Variants in GABRG3 observed in about 807,000 individuals in gnomAD.
GABRG3 encodes gamma-aminobutyric acid type A receptor subunit gamma3, also known as gamma-aminobutyric acid receptor subunit gamma-3.
In GABRG3, 25 loss-of-function variants were observed where a neutral mutation model predicts 48.8. The observed-to-expected ratio is 0.51, with a 90% CI of 0.37 to 0.72. The LOEUF is 0.72. Ranked by LOEUF, GABRG3 falls within the 30% of genes least tolerant of loss-of-function variation. GABRG3 has a pLI of 0.00. For missense variants in GABRG3, 394 were observed against 577.9 expected, an observed-to-expected ratio of 0.68 and a Z score of 3.26; for synonymous variants, 227 against 217.6, an observed-to-expected ratio of 1.04 and a Z score of -0.38.
intron 3 of GABRG3, among the ~76,000 whole-genome samples, chr15:27,261,001 T>G (rs1368757006): frequency 1.3e-5 from 2 of 149,242 alleles, no homozygotes; most frequent in African/African-American, 4.8e-5. Flanking sequence ...TACAGTAGTA[T>G]TCTACCTGTT....
intron 2 of GABRG3, among the ~76,000 whole-genome samples, chr15:27,014,888 G>A (rs905385941): frequency 6.6e-6 from 1 of 152,140 alleles, no homozygotes; most frequent in African/African-American, 2.4e-5. Context: ...CTATTATCGT[G>A]TTGCTGTCTA....
intron 5 of GABRG3, among the ~76,000 whole-genome samples, chr15:27,417,899 T>G (rs1323005972): frequency 1.3e-5 from 2 of 152,216 alleles, no homozygotes; most frequent in Admixed American, 1.3e-4. Context: ...ACCTTTGGAC[T>G]AGTCCCTTAG....
Position 27,532,427 on chromosome 15 carries a change from CA to C in GABRG3, c.1123-153del, listed in dbSNP as rs374534463. 4.8e-3 allele frequency among the ~76,000 whole-genome samples: 361 copies of C among 74,656 alleles called. 1 individual carries two copies. The highest frequency in any genetic ancestry group is 0.034 in the East Asian group (85 of 2,514). 49.0% of individuals were successfully genotyped at this position (74,656 alleles called of 152,430 possible). On this transcript the variant is annotated intron_variant, in intron 9 of 9. Coordinates refer to ENST00000615808, the MANE Select transcript of GABRG3 (RefSeq NM_033223.5). ...TATTAAACTCTCTGCTCCTTAAAACCAAAAAAAAAAAAAAAAAAAAGACCAA... is the reference window on the plus strand; with the variant it reads ...TATTAAACTCTCTGCTCCTTAAAACCAAAAAAAAAAAAAAAAAAAGACCAA...
chr15:27,495,440 A>G (rs566615624), intron 6 of GABRG3, among the ~76,000 whole-genome samples: 196 of 152,306 alleles, frequency 1.3e-3, no homozygotes, highest in Admixed American at 4.8e-3. Flanking sequence ...TGGGTATGCA[A>G]ATATCTCTTT....
Position 27,179,909 on chromosome 15 carries a change from G to A in GABRG3, c.271-146900G>A, listed in dbSNP as rs62002628. Among the ~76,000 whole-genome samples the A allele has an allele frequency of 2.0e-5, 3 of 152,192 alleles. No individual in the cohort carries two copies. Among genetic ancestry groups the A allele is most frequent in the African/African-American group, 4.8e-5 (2 of 41,444 alleles). On this transcript the variant is annotated intron_variant, in intron 3 of 9. Transcript: ENST00000615808. The surrounding 1 kb of genome is among the most constrained non-coding windows in gnomAD (Gnocchi z 4.0). ...AATGTTTGTGCCCTGTTACCAGATT[G>A]TTCTCTTGATTCACAGTTCATCGCC... is the stretch of plus-strand genomic sequence containing the variant.
chr15:27,095,931 C>T (rs1350811932), intron 3 of GABRG3, among the ~76,000 whole-genome samples: 1 of 152,190 alleles, frequency 6.6e-6, no homozygotes. Flanking sequence ...GCCTTCCCTT[C>T]CTGGGCACCC....
At chr15:27,125,936 A>G (rs191532226) in intron 3 of GABRG3, among the ~76,000 whole-genome samples, 16 of 152,372 alleles carry the variant, frequency 1.1e-4, no homozygotes, top group African/African-American at 3.1e-4. Flanking sequence ...GGCAGATAAT[A>G]TGATCTATTA....
In GABRG3 at chr15:27,130,436, G is replaced by T. The variant is rs1332227637; in HGVS notation, c.270+103615G>T. ...CTTTATATAATTACCATACTTTTTT[G>T]ATTACTGTAACTTTGTAGTAAGTTT... is the stretch of plus-strand genomic sequence containing the variant. On this transcript the variant is annotated intron_variant, in intron 3 of 9. Coordinates refer to ENST00000615808, the MANE Select transcript of GABRG3 (RefSeq NM_033223.5). Among the ~76,000 whole-genome samples, 3 of 151,878 alleles carry T rather than the reference G, an allele frequency of 2.0e-5. No homozygotes were observed. The South Asian group carries it at 6.2e-4, about 31-fold the overall frequency.
At chr15:27,436,995 T>TAGAGAGAGAGAGAGAGAGAG (rs10549691) in intron 5 of GABRG3, among the ~76,000 whole-genome samples, 21 of 130,590 alleles carry the variant, frequency 1.6e-4, no homozygotes, top group African/African-American at 5.4e-4. Flanking sequence ...CTCCGAAAAA[T>TAGAGAGAGAGAGAGAGAGAG]AGAGAGAGAG....
intron 3 of GABRG3, among the ~76,000 whole-genome samples, chr15:27,042,502 T>TTGCCTCCCTGTTGCAG (rs1259269835): frequency 6.6e-6 from 1 of 152,186 alleles, no homozygotes; most frequent in African/African-American, 2.4e-5. Flanking sequence ...AGGATGCCCG[T>TTGCCTCCCTGTTGCAG]TGCCTCCCTG....
At chr15:27,217,206 A>C (rs1889288773) in intron 3 of GABRG3, among the ~76,000 whole-genome samples, 1 of 152,188 alleles carries the variant, frequency 6.6e-6, no homozygotes, top group East Asian at 1.9e-4. Flanking sequence ...TTGGGCTATA[A>C]AGACACTTGC....
At chr15:27,359,794 T>G (rs1894962050) in intron 5 of GABRG3, among the ~76,000 whole-genome samples, 1 of 152,224 alleles carries the variant, frequency 6.6e-6, no homozygotes, top group Non-Finnish European at 1.5e-5. Context: ...GTAAGACAGA[T>G]TCAAAGCAGA....
intron 3 of GABRG3, among the ~76,000 whole-genome samples, chr15:27,200,345 C>G (rs936865448): frequency 2.6e-5 from 4 of 152,218 alleles, no homozygotes; most frequent in Admixed American, 6.5e-5. Context: ...ATTAGAAACA[C>G]TACCTTCTCA....
chr15:27,333,113 T>G (rs1893854675), intron 5 of GABRG3, among the ~76,000 whole-genome samples: 1 of 152,194 alleles, frequency 6.6e-6, no homozygotes, highest in Non-Finnish European at 1.5e-5. Context: ...ACATTTTTAG[T>G]GTCCAGAACT....
chr15:27,239,518 G>A (rs1890074460), intron 3 of GABRG3, among the ~76,000 whole-genome samples: 1 of 152,134 alleles, frequency 6.6e-6, no homozygotes, highest in Admixed American at 6.5e-5. Context: ...CTCTGAACAT[G>A]TATATACTTT....
intron 6 of GABRG3, among the ~76,000 whole-genome samples, chr15:27,510,875 G>C (rs1031959003): frequency 6.6e-6 from 1 of 152,040 alleles, no homozygotes; most frequent in Admixed American, 6.5e-5. Flanking sequence ...AGCACTTTTT[G>C]TTTCAAAATA....
intron 3 of GABRG3, among the ~76,000 whole-genome samples, chr15:27,052,805 C>G (rs773612222): frequency 2.6e-5 from 4 of 152,060 alleles, no homozygotes; most frequent in Non-Finnish European, 5.9e-5. Flanking sequence ...GGTACTGGCA[C>G]AAAAACAGAC....
chr15:27,461,863 T>G (rs1022086831), intron 5 of GABRG3, among the ~76,000 whole-genome samples: 2 of 152,174 alleles, frequency 1.3e-5, no homozygotes, highest in African/African-American at 4.8e-5. Flanking sequence ...GACTTCTTTT[T>G]CACCACTTTT....
chr15:27,499,025 A>G (rs1890555359), intron 6 of GABRG3, among the ~76,000 whole-genome samples: 1 of 152,218 alleles, frequency 6.6e-6, no homozygotes. Flanking sequence ...ATATCTGCTC[A>G]TCAGTACTTT....
Sources: allele counts gnomAD v4.1 joint callset (sites outside exome capture counted in the v4.1 genomes callset), GRCh38; gene constraint gnomAD v4.1.1; non-coding constraint Gnocchi (gnomAD v3.1); transcripts MANE v1.5; gene names NCBI Gene and HGNC (gene_info 2026-07-23, HGNC 2026-07-21).